The following GPC5 variants were observed in gnomAD, a reference collection of about 807,000 sequenced individuals.
GPC5 encodes glypican 5.
GPC5 carries 47 observed loss-of-function variants against 53.9 expected under a neutral mutation model. The ratio of observed to expected loss-of-function variants is 0.87; its 90% confidence interval spans 0.69 to 1.11. The LOEUF (loss-of-function observed/expected upper bound fraction) is 1.11. GPC5 is among the 50% of genes most tolerant of loss of function. The pLI, the probability that GPC5 is intolerant of heterozygous loss-of-function variation, is 0.00. For missense variants in GPC5, 748 were observed against 713.1 expected (o/e 1.05, Z -0.56); for synonymous variants, 286 against 263.3 (o/e 1.09, Z -0.84).
chr13:91,925,330 T>G (rs185499245), intron 6 of GPC5, among the ~76,000 whole-genome samples: 1 of 152,234 alleles, frequency 6.6e-6, no homozygotes, highest in Admixed American at 6.5e-5. Flanking sequence ...TAAATCTTCC[T>G]AATTATCATA....
intron 7 of GPC5, among the ~76,000 whole-genome samples, chr13:92,603,683 GGAAAA>G (rs1476865372): frequency 4.6e-5 from 7 of 152,094 alleles, no homozygotes; most frequent in Non-Finnish European, 1.0e-4. Context: ...CAATGGACTT[GGAAAA>G]GAAGAGTATA....
At chr13:92,627,609 A>G (rs1198587301) in intron 7 of GPC5, among the ~76,000 whole-genome samples, 2 of 152,236 alleles carry the variant, frequency 1.3e-5, no homozygotes, top group African/African-American at 4.8e-5. Flanking sequence ...GGCATTAGCA[A>G]TAAAACCTCC....
intron 7 of GPC5, among the ~76,000 whole-genome samples, chr13:92,285,956 A>G (rs2042951174): frequency 6.6e-6 from 1 of 152,154 alleles, no homozygotes; most frequent in South Asian, 2.1e-4. Flanking sequence ...TGAACAGGCA[A>G]CCTACAGAAT....
intron 7 of GPC5, among the ~76,000 whole-genome samples, chr13:92,803,015 T>A (rs1392222575): frequency 6.6e-6 from 1 of 151,912 alleles, no homozygotes; most frequent in Non-Finnish European, 1.5e-5. Context: ...TTTCTTGGAA[T>A]GTAGGCTGGA....
At chr13:91,413,252 G>A (rs1877944129) in intron 1 of GPC5, among the ~76,000 whole-genome samples, 1 of 152,140 alleles carries the variant, frequency 6.6e-6, no homozygotes, top group Admixed American at 6.5e-5. Flanking sequence ...CTGCACTTCA[G>A]CCTGGGTGAC....
At chr13:92,695,281 T>C (rs1887525816) in intron 7 of GPC5, among the ~76,000 whole-genome samples, 1 of 152,198 alleles carries the variant, frequency 6.6e-6, no homozygotes, top group Non-Finnish European at 1.5e-5. Context: ...TATTTGGCTT[T>C]TGATTGTTAA....
At chr13:91,520,278 G>GA (rs1885732158) in intron 2 of GPC5, among the ~76,000 whole-genome samples, 1 of 152,190 alleles carries the variant, frequency 6.6e-6, no homozygotes, top group East Asian at 1.9e-4. Context: ...TAAATATTAA[G>GA]AAAATGATAG....
intron 2 of GPC5, among the ~76,000 whole-genome samples, chr13:91,510,463 G>T (rs1225655644): frequency 6.6e-6 from 1 of 152,146 alleles, no homozygotes; most frequent in Non-Finnish European, 1.5e-5. Context: ...TAACCATAAT[G>T]CCAGGCAGAT....
chr13:91,629,585 G>A (rs1357293663), intron 2 of GPC5, among the ~76,000 whole-genome samples: 1 of 152,128 alleles, frequency 6.6e-6, no homozygotes, highest in East Asian at 1.9e-4. Flanking sequence ...AGAGGTTGCA[G>A]TGAGCAGAGA....
intron 6 of GPC5, among the ~76,000 whole-genome samples, chr13:91,967,065 A>T (rs548894758): frequency 3.9e-5 from 6 of 152,326 alleles, no homozygotes; most frequent in Non-Finnish European, 7.4e-5. Flanking sequence ...AGTTTAATGG[A>T]CTCACAGTTC....
At chr13:92,767,559 GCAAAAT>G (rs1285765351) in intron 7 of GPC5, among the ~76,000 whole-genome samples, 3 of 152,200 alleles carry the variant, frequency 2.0e-5, no homozygotes. Context: ...GGACATTGCA[GCAAAAT>G]CTTCAAGATG....
At chr13:91,851,230 C>G (rs890349786) in intron 5 of GPC5, among the ~76,000 whole-genome samples, 1 of 152,030 alleles carries the variant, frequency 6.6e-6, no homozygotes, top group African/African-American at 2.4e-5. Context: ...GTACTGAATA[C>G]TGTAGGCAAT....
intron 2 of GPC5, among the ~76,000 whole-genome samples, chr13:91,658,682 T>C (rs1331736869): frequency 6.6e-6 from 1 of 152,240 alleles, no homozygotes; most frequent in Non-Finnish European, 1.5e-5. Context: ...TCTGCCATTA[T>C]TAGCTAAGCT....
rs189592530 is a variant in GPC5, at chr13:92,155,675, C to G, written c.1561+10686C>G. Among the ~76,000 whole-genome samples, 314 of 152,220 alleles carry G rather than the reference C, an allele frequency of 2.1e-3. 1 individual carries two copies. The highest frequency in any genetic ancestry group is 7.3e-3 in the African/African-American group (302 of 41,576). Reference sequence around the variant, plus strand: ...ATTCACCTCTTTACCTTCTGTTTCTCTTAAGATATTATTAGTGGTGCTTTT... The same window carrying G: ...ATTCACCTCTTTACCTTCTGTTTCTGTTAAGATATTATTAGTGGTGCTTTT... On this transcript the variant is annotated intron_variant, in intron 7 of 7. Coordinates refer to ENST00000377067, the MANE Select transcript of GPC5 (RefSeq NM_004466.6).
chr13:92,728,913 T>G (rs1792836128), intron 7 of GPC5, among the ~76,000 whole-genome samples: 1 of 151,284 alleles, frequency 6.6e-6, no homozygotes, highest in African/African-American at 2.4e-5. Context: ...AGCTGCATAT[T>G]TAGTTAACAG....
At position 91,716,213 on chromosome 13, in the gene GPC5, AT is replaced by A. The variant is rs1334438998; in HGVS notation, c.1021-12318del. Among the ~76,000 whole-genome samples, 23 of 152,204 alleles carry A rather than the reference AT, an allele frequency of 1.5e-4. 1 individual carries two copies. The highest frequency in any genetic ancestry group is 1.2e-3 in the South Asian group (6 of 4,830). On this transcript the variant is annotated intron_variant, in intron 3 of 7. Coordinates refer to ENST00000377067, the MANE Select transcript of GPC5 (RefSeq NM_004466.6). Reference sequence around the variant, plus strand: ...ATTCAAAATAAATGATCTATTGAGCATCCTTGTATATGCCTCCTTGTTCTTA... The same window carrying A: ...ATTCAAAATAAATGATCTATTGAGCACCTTGTATATGCCTCCTTGTTCTTA...
chr13:92,563,341 T>C (rs1167205939), intron 7 of GPC5, among the ~76,000 whole-genome samples: 1 of 152,066 alleles, frequency 6.6e-6, no homozygotes, highest in Non-Finnish European at 1.5e-5. Context: ...TTTTATCTAA[T>C]AGTTTTTAAA....
chr13:91,997,767 G>A (rs538833826), intron 6 of GPC5, among the ~76,000 whole-genome samples: 7 of 152,198 alleles, frequency 4.6e-5, no homozygotes, highest in East Asian at 1.9e-4. Context: ...TGATCTGCCC[G>A]CCTCAGCCTC....
intron 7 of GPC5, among the ~76,000 whole-genome samples, chr13:92,441,630 A>C (rs879928947): frequency 3.3e-5 from 5 of 152,186 alleles, no homozygotes; most frequent in Non-Finnish European, 7.4e-5. Context: ...CTAACCAAGG[A>C]GGGGAAAGAT....
Sources: allele counts gnomAD v4.1 joint callset (sites outside exome capture counted in the v4.1 genomes callset), GRCh38; gene constraint gnomAD v4.1.1; transcripts MANE v1.5; gene names NCBI Gene and HGNC (gene_info 2026-07-23, HGNC 2026-07-21).